Variants in TSPAN12 observed in about 807,000 individuals in gnomAD.
TSPAN12 encodes the protein tetraspanin-12.
In TSPAN12, 19 loss-of-function variants were observed where a neutral mutation model predicts 39.2. The observed-to-expected ratio is 0.49, with a 90% CI of 0.34 to 0.71. The LOEUF is 0.71. TSPAN12 is among the 30% of genes least tolerant of loss of function. The pLI, the probability that TSPAN12 is intolerant of heterozygous loss-of-function variation, is 0.01. For missense variants in TSPAN12, 314 were observed against 359.9 expected, an observed-to-expected ratio of 0.87 and a Z score of 1.03; for synonymous variants, 119 against 124.8, an observed-to-expected ratio of 0.95 and a Z score of 0.31.
intron 4 of TSPAN12, among the ~76,000 whole-genome samples, chr7:120,819,725 A>G (rs1794153071): frequency 6.6e-6 from 1 of 152,112 alleles, no homozygotes; most frequent in Non-Finnish European, 1.5e-5. Flanking sequence ...GAAAACATTA[A>G]ATGTCAAATT....
rs2116274967 is a variant in TSPAN12 at position 120,788,926 on chromosome 7, C to A, written c.613-29G>T. The A allele has an allele frequency of 1.9e-6, 3 of 1,612,492 alleles. No homozygotes were observed. The East Asian group carries it at 6.7e-5, about 36-fold the overall frequency. ...TAAAAGAAATACATGGTCAACATTA[C>A]TTTAGATATGTTACAGAAGGCCAAA... On this transcript the variant is annotated intron_variant, in intron 7 of 7. Coordinates refer to ENST00000222747, the MANE Select transcript of TSPAN12 (RefSeq NM_012338.4).
chr7:120,853,207 C>T (rs1794802547), intron 2 of TSPAN12, among the ~76,000 whole-genome samples: 1 of 151,650 alleles, frequency 6.6e-6, no homozygotes, highest in Non-Finnish European at 1.5e-5. Flanking sequence ...GATTCTCCTA[C>T]CTCAGCCTCC....
intron 2 of TSPAN12, among the ~76,000 whole-genome samples, chr7:120,846,791 C>T (rs1423949824): frequency 1.3e-5 from 2 of 152,154 alleles, no homozygotes; most frequent in Non-Finnish European, 2.9e-5. Context: ...GCTGAGAAGA[C>T]ATAGTACAAG....
chr7:120,801,356 T>C (rs1793767185), intron 7 of TSPAN12, among the ~76,000 whole-genome samples: 1 of 152,130 alleles, frequency 6.6e-6, no homozygotes, highest in African/African-American at 2.4e-5. Context: ...AAGAAATAAA[T>C]AAACTTCTAA....
intron 2 of TSPAN12, among the ~76,000 whole-genome samples, chr7:120,844,259 G>A (rs1166580403): frequency 6.6e-6 from 1 of 152,124 alleles, no homozygotes; most frequent in Non-Finnish European, 1.5e-5. Context: ...AGATTTCGGT[G>A]GGGACACTAA....
Position 120,788,393 on chromosome 7 carries a change from G to A in TSPAN12, c.*199C>T, listed in dbSNP as rs908431203. On this transcript the variant is annotated 3_prime_UTR_variant, in exon 8 of 8. Transcript: ENST00000222747. ...TGACATCTGTCTTCAGCATTTTAAG[G>A]GCATCAATTATTGTCCAGGTGGTGA... is the stretch of plus-strand genomic sequence containing the variant. 17 of 625,786 alleles carry A rather than the reference G, an allele frequency of 2.7e-5. No homozygotes were observed. Among genetic ancestry groups the A allele is most frequent in the Non-Finnish European group, 3.9e-5 (14 of 363,416 alleles). The allele number at this position is 625,786 out of a possible 1,614,324, so 38.8% of individuals were successfully genotyped here.
intron 7 of TSPAN12, among the ~76,000 whole-genome samples, chr7:120,792,966 C>A (rs190015529): frequency 4.8e-4 from 73 of 152,302 alleles, no homozygotes; most frequent in African/African-American, 1.7e-3. Context: ...CTGTCCACAC[C>A]GGAACAACAC....
chr7:120,830,210 A>G (rs1794365030), intron 4 of TSPAN12, among the ~76,000 whole-genome samples: 1 of 152,186 alleles, frequency 6.6e-6, no homozygotes, highest in African/African-American at 2.4e-5. Context: ...TATTGTTAAA[A>G]TGTCCATACT....
rs561535490 is a variant in TSPAN12, at chr7:120,787,320, T to C, written c.*1272A>G. The C allele has an allele frequency of 9.2e-5, 14 of 152,702 alleles. No homozygotes were observed. The highest frequency in any genetic ancestry group is 3.4e-3 in the Middle Eastern group (1 of 294). The allele number at this position is 152,702 out of a possible 1,614,324, so 9.5% of individuals were successfully genotyped here. ...TTAAAAAGTAGGCAGAGACAAATCA[T>C]TACTCTCTAGAAAATATTTATTGAC... On this transcript the variant is annotated 3_prime_UTR_variant, in exon 8 of 8. Coordinates refer to ENST00000222747, the MANE Select transcript of TSPAN12 (RefSeq NM_012338.4).
At chr7:120,810,272 A>G (rs889942030) in intron 6 of TSPAN12, among the ~76,000 whole-genome samples, 191 bp downstream of exon 6, 1 of 152,200 alleles carries the variant, frequency 6.6e-6, no homozygotes, top group Non-Finnish European at 1.5e-5. Context: ...GGGAAATGGT[A>G]TACATGGGAA....
At chr7:120,831,360 A>T (rs1794387578) in intron 4 of TSPAN12, among the ~76,000 whole-genome samples, 1 of 152,100 alleles carries the variant, frequency 6.6e-6, no homozygotes, top group African/African-American at 2.4e-5. Flanking sequence ...TCATTCCAGC[A>T]TTATTCACAA....
rs1214785126 is a variant in TSPAN12 at position 120,828,380 on chromosome 7, G to C, written c.285+10397C>G. Among the ~76,000 whole-genome samples, 4 of 152,162 alleles carry C rather than the reference G, an allele frequency of 2.6e-5. No individual in the cohort carries two copies. The South Asian group carries it at 8.3e-4, about 31-fold the overall frequency. On this transcript the variant is annotated intron_variant, in intron 4 of 7. Coordinates refer to ENST00000222747, the MANE Select transcript of TSPAN12 (RefSeq NM_012338.4). ...ATTCAATTTGGCACCAGCTCACTCA[G>C]CCAAGTCTCAGACATATCTGATACA...
At chr7:120,832,030 T>C (rs902240428) in intron 4 of TSPAN12, among the ~76,000 whole-genome samples, 1 of 152,134 alleles carries the variant, frequency 6.6e-6, no homozygotes, top group Non-Finnish European at 1.5e-5. Flanking sequence ...ATTGAGTAGA[T>C]ATGTTTCTAT....
At chr7:120,823,867 A>G (rs1015434448) in intron 4 of TSPAN12, among the ~76,000 whole-genome samples, 1 of 152,218 alleles carries the variant, frequency 6.6e-6, no homozygotes, top group African/African-American at 2.4e-5. Context: ...GATAAAAGTA[A>G]AAACAAAATT....
intron 2 of TSPAN12, among the ~76,000 whole-genome samples, chr7:120,840,750 T>C (rs550298439): frequency 6.6e-6 from 1 of 152,236 alleles, no homozygotes; most frequent in Non-Finnish European, 1.5e-5. Context: ...CTCTTTATCC[T>C]ACTTTTCCTG....
At chr7:120,814,537 G>A (rs939414269) in intron 5 of TSPAN12, among the ~76,000 whole-genome samples, 1 of 152,124 alleles carries the variant, frequency 6.6e-6, no homozygotes, top group Non-Finnish European at 1.5e-5. Flanking sequence ...AAAAAGTCTG[G>A]CCTCCCTCCA....
chr7:120,817,866 C>T (rs1350158376), intron 4 of TSPAN12, among the ~76,000 whole-genome samples: 4 of 152,150 alleles, frequency 2.6e-5, no homozygotes, highest in African/African-American at 9.7e-5. Flanking sequence ...GGACTGAAAG[C>T]TCCACTAAGG....
chr7:120,811,653 G>C (rs1165381201), intron 5 of TSPAN12, among the ~76,000 whole-genome samples: 3 of 148,882 alleles, frequency 2.0e-5, no homozygotes, highest in Non-Finnish European at 4.4e-5. Context: ...CTGGGTGACA[G>C]AGCGAGACTC....
intron 7 of TSPAN12, among the ~76,000 whole-genome samples, chr7:120,793,004 G>A (rs1481143308): frequency 6.6e-6 from 1 of 152,204 alleles, no homozygotes; most frequent in South Asian, 2.1e-4. Context: ...TCCCTTGTTG[G>A]AACCTGCCTT....
Sources: allele counts gnomAD v4.1 joint callset (sites outside exome capture counted in the v4.1 genomes callset), GRCh38; gene constraint gnomAD v4.1.1; transcripts MANE v1.5; gene names NCBI Gene and HGNC (gene_info 2026-07-23, HGNC 2026-07-21).